Variants in CAPZB observed in about 807,000 individuals in gnomAD.
CAPZB encodes capping actin protein of muscle Z-line subunit beta.
CAPZB carries 2 observed loss-of-function variants against 38.1 expected under a neutral mutation model. The observed-to-expected ratio is 0.05, with a 90% CI of 0.02 to 0.17. The LOEUF is 0.17. Among genes scored for constraint, CAPZB ranks in the 10% least tolerant of loss-of-function variants. The probability of loss-of-function intolerance (pLI) is 1.00; values close to 1 mark genes in which losing one functional copy is unlikely to be tolerated. For missense variants in CAPZB, 161 were observed against 334.2 expected (o/e 0.48, Z 4.04); for synonymous variants, 107 against 127.4 (o/e 0.84, Z 1.08).
intron 1 of CAPZB, among the ~76,000 whole-genome samples, chr1:19,433,040 T>C (rs1217582012): frequency 6.6e-6 from 1 of 152,238 alleles, no homozygotes; most frequent in African/African-American, 2.4e-5. Flanking sequence ...GTTTCTCTGG[T>C]TGACGGTTTC....
chr1:19,380,210 G>C (rs1000336456), intron 3 of CAPZB, among the ~76,000 whole-genome samples: 3 of 152,218 alleles, frequency 2.0e-5, no homozygotes, highest in Admixed American at 6.5e-5. Context: ...ACGGTATGTA[G>C]GGGAAGAGTT....
chr1:19,451,481 A>T (rs1400482415), intron 1 of CAPZB, among the ~76,000 whole-genome samples: 1 of 152,160 alleles, frequency 6.6e-6, no homozygotes, highest in Non-Finnish European at 1.5e-5. Context: ...GATGCAGAGG[A>T]AAGGACGGTA....
chr1:19,342,637 T>G (rs2093936465), intron 8 of CAPZB: 6 of 686,192 alleles, frequency 8.7e-6, no homozygotes, highest in Non-Finnish European at 1.6e-5. Flanking sequence ...GGAGCACACG[T>G]GGGGGTTAGT....
chr1:19,471,443 C>T (rs529075475), intron 1 of CAPZB, among the ~76,000 whole-genome samples: 1 of 152,178 alleles, frequency 6.6e-6, no homozygotes, highest in Non-Finnish European at 1.5e-5. Flanking sequence ...GGAGCACAGA[C>T]CCCAAGGGTG....
intron 2 of CAPZB, among the ~76,000 whole-genome samples, chr1:19,405,458 A>G (rs1048713271): frequency 6.6e-6 from 1 of 150,916 alleles, no homozygotes; most frequent in Non-Finnish European, 1.5e-5. Context: ...ATGCGGGCGA[A>G]GAAGTATTAA....
At chr1:19,460,402 G>C (rs142669666) in intron 1 of CAPZB, among the ~76,000 whole-genome samples, 2 of 151,920 alleles carry the variant, frequency 1.3e-5, no homozygotes, top group Non-Finnish European at 2.9e-5. Flanking sequence ...TCAGCCTCCC[G>C]AGTAGCTGGG....
intron 2 of CAPZB, among the ~76,000 whole-genome samples, chr1:19,402,798 A>G (rs956874770): frequency 1.3e-5 from 2 of 152,178 alleles, no homozygotes; most frequent in African/African-American, 4.8e-5. Flanking sequence ...CTGTAATCCC[A>G]GCACTTTGGA....
intron 3 of CAPZB, among the ~76,000 whole-genome samples, chr1:19,383,171 C>G (rs944318811): frequency 3.3e-5 from 5 of 150,594 alleles, no homozygotes; most frequent in Non-Finnish European, 7.4e-5. Flanking sequence ...TGGGGCTGGG[C>G]GCAGTGGCTC....
chr1:19,355,024 A>G (rs2094012552), intron 6 of CAPZB, among the ~76,000 whole-genome samples: 1 of 152,198 alleles, frequency 6.6e-6, no homozygotes. Flanking sequence ...GAGGCCAAAA[A>G]GAGGACCGCA....
intron 4 of CAPZB, among the ~76,000 whole-genome samples, chr1:19,373,509 G>A (rs563405723): frequency 6.6e-6 from 1 of 152,230 alleles, no homozygotes; most frequent in African/African-American, 2.4e-5. Flanking sequence ...CTTTCCCTCA[G>A]GATCCAGTGA....
intron 4 of CAPZB, among the ~76,000 whole-genome samples, chr1:19,364,478 T>C (rs1444222823): frequency 6.6e-6 from 1 of 152,214 alleles, no homozygotes; most frequent in Non-Finnish European, 1.5e-5. Context: ...ACTACTGCCT[T>C]CCAGAATCAC....
chr1:19,455,263 G>C (rs2100715080), intron 1 of CAPZB, among the ~76,000 whole-genome samples: 1 of 152,376 alleles, frequency 6.6e-6, no homozygotes, highest in Middle Eastern at 3.4e-3. Flanking sequence ...ATAAGGTGGA[G>C]TATGGTTAAC....
chr1:19,449,112 C>T, intron 1 of CAPZB: 1 of 1,416,356 alleles, frequency 7.1e-7, no homozygotes, highest in Non-Finnish European at 9.2e-7. Context: ...CCCAGCAGTT[C>T]CATTGCCACA....
At chr1:19,345,376 T>TA (rs1289651801) in intron 6 of CAPZB, 124 bp from the exon 7 acceptor site, 1 of 777,514 alleles carries the variant, frequency 1.3e-6, no homozygotes, top group Non-Finnish European at 2.2e-6. Flanking sequence ...CAGCTGCAGG[T>TA]ATGACAAGGC....
chr1:19,431,108 A>G (rs57787016), intron 1 of CAPZB, among the ~76,000 whole-genome samples: 12,563 of 152,252 alleles, frequency 0.083, 1,697 homozygotes, highest in African/African-American at 0.28. Context: ...GAGACATCAC[A>G]TAATGGCAAA....
intron 6 of CAPZB, among the ~76,000 whole-genome samples, chr1:19,352,504 CCT>C (rs941732478): frequency 9.2e-5 from 14 of 152,260 alleles, no homozygotes; most frequent in Admixed American, 2.6e-4. Flanking sequence ...GGAGAAGTGA[CCT>C]CTCAGTACAA....
chr1:19,424,028 T>C lies in CAPZB; in HGVS notation c.4-4278A>G, dbSNP rs558169983. 5.3e-5 allele frequency among the ~76,000 whole-genome samples: 8 copies of C among 152,240 alleles called. No homozygotes were observed. In the South Asian group the frequency reaches 1.5e-3, roughly 28 times the overall value. On this transcript the variant is annotated intron_variant, in intron 1 of 8. Coordinates refer to ENST00000264202, the MANE Select transcript of CAPZB (RefSeq NM_004930.5). ...GGTTTTGCTATGTTGCCCAGGCTGG[T>C]CTCAAAGTCCTGAGCTCAAGCGATC...
chr1:19,411,187 A>AC (rs1410517113), intron 2 of CAPZB, among the ~76,000 whole-genome samples: 1 of 152,040 alleles, frequency 6.6e-6, no homozygotes. Flanking sequence ...ACATGGTGAG[A>AC]CCCCCATCTC....
intron 1 of CAPZB, among the ~76,000 whole-genome samples, chr1:19,426,555 C>T (rs1365443917): frequency 2.0e-5 from 3 of 152,088 alleles, no homozygotes; most frequent in Admixed American, 1.3e-4. Context: ...CAAGAGACAA[C>T]GCGGCTTCTC....
Sources: gnomAD v4.1 joint callset for allele counts (sites outside exome capture counted in the v4.1 genomes callset) on GRCh38, gnomAD v4.1.1 for gene constraint, MANE v1.5 for transcripts, NCBI Gene and HGNC (gene_info 2026-07-23, HGNC 2026-07-21) for gene names.